Variants in KIF20B observed in about 807,000 individuals in gnomAD.
The protein encoded by KIF20B is kinesin family member 20B, also known as kinesin-like protein KIF20B.
In KIF20B, 188 loss-of-function variants were observed where a neutral mutation model predicts 232.5. That is an observed-to-expected ratio of 0.81 (90% CI 0.72 to 0.91). The LOEUF (loss-of-function observed/expected upper bound fraction) is 0.91, where lower values mean the gene tolerates loss of function less well. Among genes scored for constraint, KIF20B ranks in the 40% least tolerant of loss-of-function variants. The pLI is 0.00. For missense variants in KIF20B, 2,154 were observed against 2,055.9 expected, an observed-to-expected ratio of 1.05 and a Z score of -0.92; for synonymous variants, 712 against 683.0, an observed-to-expected ratio of 1.04 and a Z score of -0.66.
Position 89,716,450 on chromosome 10 carries a change from C to T in KIF20B, c.955C>T (p.Gln319Ter), listed in dbSNP as rs1305381289. The stretch of plus-strand genomic sequence containing the variant: ...ATTTTTTAAAGATCTACAATGGATT[C>T]AAGTATCTGATTCCAAAGAAGCCTA... The part of the protein sequence containing the change: ...YSFIKDLQWI[Q>*]VSDSKEAYRL... The change falls in exon 9 of 33, where the codon CAA (glutamine) becomes TAA (stop). Residue 319 changes from glutamine (Q) to a stop codon, truncating the protein, a stop_gained. Coordinates refer to ENST00000371728, the MANE Select transcript of KIF20B (RefSeq NM_001284259.2). LOFTEE classifies it high-confidence loss of function. 4.0e-6 allele frequency: 6 copies of T among 1,484,116 alleles called. No individual in the cohort carries two copies. The African/African-American group carries it at 4.2e-5, about 10-fold the overall frequency. 91.9% of individuals were successfully genotyped at this position (1,484,116 alleles called of 1,614,324 possible).
chr10:89,726,408 C>T lies in KIF20B; in HGVS notation c.2117C>T (p.Pro706Leu). The change falls in exon 16 of 33, where the codon CCC becomes CTC. Residue 706 changes from proline to leucine, a missense_variant. Physicochemically the swap from Pro to Leu is moderately conservative, Grantham distance 98. Transcript: ENST00000371728. Reference sequence around the variant, plus strand: ...TTATATATTGCATCTCTTCCTGACCCCCAGGAAGCTACTGCTTGTTTAGAA... The same window carrying T: ...TTATATATTGCATCTCTTCCTGACCTCCAGGAAGCTACTGCTTGTTTAGAA... The part of the protein sequence containing the change: ...AHLYIASLPD[P>L]QEATACLELK... The T allele has an allele frequency of 6.3e-7, 1 of 1,592,110 alleles. No homozygotes were observed. Among genetic ancestry groups the T allele is most frequent in the African/African-American group, 1.3e-5 (1 of 74,076 alleles).
In KIF20B at chr10:89,772,685, A is replaced by G. The variant is rs747478995; in HGVS notation, c.5243-4A>G. 5.2e-6 allele frequency: 8 copies of G among 1,538,776 alleles called. No homozygotes were observed. The highest frequency in any genetic ancestry group is 2.3e-5 in the East Asian group (1 of 43,958). On this transcript the variant is annotated splice_region_variant and splice_polypyrimidine_tract_variant and intron_variant, in intron 31 of 32. Transcript: ENST00000371728. ...AGGAACTAATTAACAATTTTATTTT[A>G]TAGCAAAGAAGATAATTGAAACAAT...
At chr10:89,714,396 T>C (rs988195816) in intron 7 of KIF20B, among the ~76,000 whole-genome samples, 12 of 152,066 alleles carry the variant, frequency 7.9e-5, no homozygotes, top group African/African-American at 2.9e-4. Context: ...GGAGAATCCT[T>C]GAACTCAGGA....
At chr10:89,730,385 C>T (rs1236538125) in intron 18 of KIF20B, among the ~76,000 whole-genome samples, 3 of 152,108 alleles carry the variant, frequency 2.0e-5, no homozygotes, top group African/African-American at 4.8e-5. Context: ...ATAAAATCTA[C>T]TACCCTAACA....
Position 89,719,495 on chromosome 10 carries a change from TA to T in KIF20B, c.1512del (p.Asp505ThrfsTer9). On this transcript the variant is annotated frameshift_variant, in exon 13 of 33. Transcript: ENST00000371728. LOFTEE classifies it high-confidence loss of function. ...GTCAAATCTTCTCAAGATGTATCACTAGACAGTAATTCAAACAGTAAAATAT... is the reference window on the plus strand; with the variant it reads ...GTCAAATCTTCTCAAGATGTATCACTGACAGTAATTCAAACAGTAAAATAT... ...GPVKSSQDVS[L>X]DSNSNSKILN... 6.2e-7 allele frequency: 1 copy of T among 1,609,066 alleles called. No individual in the cohort carries two copies. The highest frequency in any genetic ancestry group is 8.5e-7 in the Non-Finnish European group (1 of 1,175,982).
intron 20 of KIF20B, 106 bp from the exon 21 acceptor site, chr10:89,738,852 A>C: frequency 7.4e-7 from 1 of 1,342,486 alleles, no homozygotes; most frequent in Non-Finnish European, 1.0e-6. Context: ...TGGATATTCC[A>C]AATTTGTGAA....
At chr10:89,735,559 G>A (rs556065816) in intron 19 of KIF20B, among the ~76,000 whole-genome samples, 16 of 69,768 alleles carry the variant, frequency 2.3e-4, no homozygotes, top group Admixed American at 2.2e-3. Context: ...TTTTTTTTGA[G>A]ACAGAGTCTT....
chr10:89,762,872 A>C, intron 29 of KIF20B, 37 bp downstream of exon 29: 1 of 1,422,348 alleles, frequency 7.0e-7, no homozygotes, highest in Non-Finnish European at 9.9e-7. Context: ...TAATGAACAA[A>C]TCTTATTATA....
intron 24 of KIF20B, among the ~76,000 whole-genome samples, 156 bp from the exon 25 acceptor site, chr10:89,752,411 C>A (rs1842039058): frequency 6.6e-6 from 1 of 152,054 alleles, no homozygotes; most frequent in Non-Finnish European, 1.5e-5. Context: ...GTAAGAACTC[C>A]TAAAAGTTAA....
rs189280859 is a variant in KIF20B at position 89,718,503 on chromosome 10, C to T, written c.1272-207C>T. Among the ~76,000 whole-genome samples, 185 of 152,100 alleles carry T rather than the reference C, an allele frequency of 1.2e-3. 1 individual carries two copies. Among genetic ancestry groups the T allele is most frequent in the Middle Eastern group, 6.8e-3 (2 of 294 alleles). ...TCCAGTCTGGGCAACCGAGCTAGACCCTGTCTCAAAACAGAAACAAAAACA... is the reference window on the plus strand; with the variant it reads ...TCCAGTCTGGGCAACCGAGCTAGACTCTGTCTCAAAACAGAAACAAAAACA... On this transcript the variant is annotated intron_variant, in intron 11 of 32. Transcript: ENST00000371728.
At chr10:89,709,905 T>A in intron 4 of KIF20B, 22 bp from the exon 5 acceptor site, 1 of 1,549,096 alleles carries the variant, frequency 6.5e-7, no homozygotes, top group Non-Finnish European at 8.7e-7. Flanking sequence ...CTAAAAAGAG[T>A]TTTTAAAAAA....
At chr10:89,727,261 T>C (rs995815976) in intron 16 of KIF20B, among the ~76,000 whole-genome samples, 4 of 149,158 alleles carry the variant, frequency 2.7e-5, no homozygotes, top group Admixed American at 6.7e-5. Context: ...TCCCCCCCCC[T>C]TTTTTTTTTA....
chr10:89,739,094 GAGGT>G lies in KIF20B; in HGVS notation c.3915+3_3915+6del. 2 of 1,610,868 alleles carry G rather than the reference GAGGT, an allele frequency of 1.2e-6. No individual in the cohort carries two copies. Among genetic ancestry groups the G allele is most frequent in the Non-Finnish European group, 1.7e-6 (2 of 1,179,034 alleles). ...AAAGCAGATTAAGCAAGTACAGAAA[GAGGT>G]AGGTTATTTGAAAAGTTATGTGGCC... On this transcript the variant is annotated splice_donor_variant and coding_sequence_variant, in exon 21 of 33. Transcript: ENST00000371728. LOFTEE classifies it high-confidence loss of function.
At chr10:89,762,158 T>C (rs1842255013) in intron 28 of KIF20B, among the ~76,000 whole-genome samples, 1 of 152,176 alleles carries the variant, frequency 6.6e-6, no homozygotes, top group Admixed American at 6.5e-5. Context: ...ATGCTTCTTA[T>C]GATTGAGCCT....
Position 89,771,675 on chromosome 10 carries a change from C to T in KIF20B, c.5243-1014C>T, listed in dbSNP as rs111367004. On this transcript the variant is annotated intron_variant, in intron 31 of 32. Transcript: ENST00000371728. Reference sequence around the variant, plus strand: ...GGAACAGGAGGGGGAACCTTGAAGACGCTTTTCTCCACTGTAACTCGGTAC... The same window carrying T: ...GGAACAGGAGGGGGAACCTTGAAGATGCTTTTCTCCACTGTAACTCGGTAC... Among the ~76,000 whole-genome samples the T allele has an allele frequency of 3.6e-3, 544 of 152,066 alleles. 4 individuals carry two copies. Among genetic ancestry groups the T allele is most frequent in the African/African-American group, 0.012 (493 of 41,510 alleles).
intron 23 of KIF20B, among the ~76,000 whole-genome samples, chr10:89,749,324 G>A (rs1470076444): frequency 5.3e-5 from 8 of 151,914 alleles, no homozygotes; most frequent in Non-Finnish European, 1.2e-4. Context: ...ATTTATTCAC[G>A]GAATGCCTTT....
chr10:89,717,496 G>A lies in KIF20B; in HGVS notation c.1124+1G>A, dbSNP rs1396532830. The A allele has an allele frequency of 6.3e-7, 1 of 1,594,924 alleles. No homozygotes were observed. Among genetic ancestry groups the A allele is most frequent in the East Asian group, 2.2e-5 (1 of 44,468 alleles). On this transcript the variant is annotated splice_donor_variant, in intron 10 of 32. Coordinates refer to ENST00000371728, the MANE Select transcript of KIF20B (RefSeq NM_001284259.2). LOFTEE classifies it high-confidence loss of function. Reference sequence around the variant, plus strand: ...TGTCTCGTGTAATTCGAGTCAGTGAGTAAGTTGAATATTCTTTAAATTTAA... The same window carrying A: ...TGTCTCGTGTAATTCGAGTCAGTGAATAAGTTGAATATTCTTTAAATTTAA...
chr10:89,716,420 T>G lies in KIF20B; in HGVS notation c.941-16T>G. 9.5e-7 allele frequency: 1 copy of G among 1,055,640 alleles called. No homozygotes were observed. 65.4% of individuals were successfully genotyped at this position (1,055,640 alleles called of 1,614,324 possible). On this transcript the variant is annotated splice_polypyrimidine_tract_variant and intron_variant, in intron 8 of 32. Coordinates refer to ENST00000371728, the MANE Select transcript of KIF20B (RefSeq NM_001284259.2). ...TGTCTCAATAAATTAATATATATCC[T>G]CTTTATTTTTTAAAGATCTACAATG...
In KIF20B at chr10:89,738,577, A is replaced by AAAG. The variant is rs149688226; in HGVS notation, c.3751_3753dup (p.Glu1251dup). 20 of 1,543,676 alleles carry AAAG rather than the reference A, an allele frequency of 1.3e-5. No individual in the cohort carries two copies. Among genetic ancestry groups the AAAG allele is most frequent in the Non-Finnish European group, 1.4e-5 (16 of 1,145,904 alleles). ...AGATATGAAACATTTACTTCAATTA[A>AAAG]AAGAAGAAGAAGAAGAAACCAACAG... is the stretch of plus-strand genomic sequence containing the variant. On this transcript the variant is annotated inframe_insertion, in exon 20 of 33. Transcript: ENST00000371728.
Sources: gnomAD v4.1 joint callset for allele counts (sites outside exome capture counted in the v4.1 genomes callset) on GRCh38, gnomAD v4.1.1 for gene constraint, MANE v1.5 for transcripts, NCBI Gene and HGNC (gene_info 2026-07-23, HGNC 2026-07-21) for gene names.